The following CR1 variants were observed in gnomAD, a reference collection of about 807,000 sequenced individuals.
The protein encoded by CR1 is complement C3b/C4b receptor 1 (Knops blood group), also known as complement receptor type 1.
Under a neutral mutation model 187.3 loss-of-function variants are expected in CR1, and 116 were observed. The observed-to-expected ratio is 0.62, with a 90% CI of 0.53 to 0.72. The LOEUF (loss-of-function observed/expected upper bound fraction) is 0.72. CR1 is among the 30% of genes least tolerant of loss of function. The pLI is 0.00. For synonymous variants in CR1, 576 were observed against 747.1 expected (o/e 0.77, Z 3.73); for missense variants, 1,731 against 2,110.7 (o/e 0.82, Z 3.52).
chr1:207,597,609 G>T (rs745783431), intron 35 of CR1, among the ~76,000 whole-genome samples: 10 of 152,180 alleles, frequency 6.6e-5, no homozygotes, highest in Non-Finnish European at 4.4e-5. Context: ...AGGTGTTGGC[G>T]AGGATGTGGA....
intron 3 of CR1, among the ~76,000 whole-genome samples, chr1:207,511,081 CA>C (rs1278667046): frequency 6.6e-6 from 1 of 152,086 alleles, no homozygotes. Context: ...CTCAGCCCCC[CA>C]AAGTGCTGGA....
At chr1:207,507,204 T>A in intron 3 of CR1, 1 of 166,668 alleles carries the variant, frequency 6.0e-6, no homozygotes, top group Non-Finnish European at 1.3e-5. Context: ...TTGCTAGGGC[T>A]GCTGTAACAG....
intron 32 of CR1, among the ~76,000 whole-genome samples, chr1:207,583,587 G>A (rs991594509): frequency 6.6e-6 from 1 of 152,046 alleles, no homozygotes; most frequent in Admixed American, 6.5e-5. Context: ...ATCAATCAGG[G>A]TATTGCTTCC....
intron 39 of CR1, among the ~76,000 whole-genome samples, chr1:207,613,312 C>G (rs1207896795): frequency 2.0e-5 from 3 of 152,088 alleles, no homozygotes; most frequent in African/African-American, 4.8e-5. Flanking sequence ...GAATGGGGAG[C>G]CTGTGCTGAT....
intron 45 of CR1, among the ~76,000 whole-genome samples, chr1:207,626,407 C>A (rs2102409563): frequency 6.6e-6 from 1 of 152,270 alleles, no homozygotes; most frequent in East Asian, 1.9e-4. Context: ...TAAGCTAAGT[C>A]ATTGTGGCTA....
rs1391794093 is a variant in CR1 at position 207,499,625 on chromosome 1, A to C, written c.121+3237A>C. ...ATTCATGGGGATAGACCACATTCTG[A>C]GCCATAAAATAGTACACGAATTAAG... On this transcript the variant is annotated intron_variant, in intron 1 of 46. Coordinates refer to ENST00000367049, the MANE Select transcript of CR1 (RefSeq NM_000651.6). 3.3e-5 allele frequency among the ~76,000 whole-genome samples: 5 copies of C among 152,194 alleles called. No homozygotes were observed. In the East Asian group the frequency reaches 9.6e-4, roughly 29 times the overall value.
At chr1:207,637,909 C>T (rs113638686) in intron 46 of CR1, among the ~76,000 whole-genome samples, 1 of 152,184 alleles carries the variant, frequency 6.6e-6, no homozygotes, top group Admixed American at 6.5e-5. Flanking sequence ...ACCTCTCCCC[C>T]ACGTCACCAC....
Position 207,511,586 on chromosome 1 carries a change from C to T in CR1, c.419C>T (p.Ser140Phe), listed in dbSNP as rs760660307. The change falls in exon 4 of 47, where the codon TCC becomes TTC. Residue 140 changes from serine (S) to phenylalanine (F), a missense_variant. Physicochemically the swap from Ser to Phe is radical, Grantham distance 155. Coordinates refer to ENST00000367049, the MANE Select transcript of CR1 (RefSeq NM_000651.6). ...GCCTCTAGATACCGACTCATTGGTT[C>T]CTCGTCTGCCACATGCATCATCTCA... ...SCTKGYRLIG[S>F]SSATCIISGD... The T allele has an allele frequency of 6.2e-7, 1 of 1,613,310 alleles. No individual in the cohort carries two copies. Among genetic ancestry groups the T allele is most frequent in the South Asian group, 1.1e-5 (1 of 91,062 alleles).
chr1:207,588,992 A>G (rs1661191869), intron 35 of CR1, among the ~76,000 whole-genome samples: 1 of 152,262 alleles, frequency 6.6e-6, no homozygotes, highest in Admixed American at 6.5e-5. Context: ...AGAGGAGGGC[A>G]ACATGTTCCT....
chr1:207,504,777 G>A lies in CR1; in HGVS notation c.122-1127G>A, dbSNP rs569450579. On this transcript the variant is annotated intron_variant, in intron 1 of 46. Coordinates refer to ENST00000367049, the MANE Select transcript of CR1 (RefSeq NM_000651.6). ...GGATGGATGCTGATTTTTTAAAAAG[G>A]AGCCCATTTCTGAGGCATCTTTTAA... 1.1e-4 allele frequency among the ~76,000 whole-genome samples: 16 copies of A among 152,178 alleles called. No individual in the cohort carries two copies. The South Asian group carries it at 3.3e-3, about 32-fold the overall frequency.
chr1:207,501,158 C>T (rs114467562), intron 1 of CR1, among the ~76,000 whole-genome samples: 2,888 of 152,146 alleles, frequency 0.019, 45 homozygotes, highest in Non-Finnish European at 0.026. Flanking sequence ...CGAAGTGATT[C>T]GGGTTATATG....
At chr1:207,599,359 A>T (rs1177266425) in intron 35 of CR1, among the ~76,000 whole-genome samples, 1 of 152,230 alleles carries the variant, frequency 6.6e-6, no homozygotes. Flanking sequence ...AGTAGAGGTA[A>T]ATAGGAATTT....
intron 45 of CR1, 147 bp downstream of exon 45, chr1:207,623,215 C>A (rs1008386279): frequency 2.0e-5 from 12 of 596,168 alleles, no homozygotes; most frequent in Non-Finnish European, 2.6e-5. Flanking sequence ...ACAGTATAGA[C>A]AAAGAGGTAT....
chr1:207,621,330 A>C (rs2102403471), intron 43 of CR1, among the ~76,000 whole-genome samples: 1 of 152,314 alleles, frequency 6.6e-6, no homozygotes, highest in East Asian at 1.9e-4. Context: ...ACCCAATACA[A>C]AGCAAGGATG....
intron 1 of CR1, among the ~76,000 whole-genome samples, chr1:207,500,105 T>C (rs1558209344): frequency 6.6e-6 from 1 of 152,228 alleles, no homozygotes; most frequent in Non-Finnish European, 1.5e-5. Flanking sequence ...TCATGAAGAC[T>C]GTCGAAATAA....
Position 207,580,367 on chromosome 1 carries a change from G to T in CR1, c.5064G>T (p.Leu1688=). 6.2e-7 allele frequency: 1 copy of T among 1,613,968 alleles called. No individual in the cohort carries two copies. Among genetic ancestry groups the T allele is most frequent in the Non-Finnish European group, 8.5e-7 (1 of 1,179,874 alleles). ...PGYDLRGAAS[L]HCTPQGDWSP... is the part of the protein sequence containing the mutation. ...ATGACCTCAGAGGGGCTGCGTCTCT[G>T]CACTGCACACCCCAGGGAGACTGGA... is the stretch of plus-strand genomic sequence containing the variant. The change falls in exon 30 of 47, where the codon CTG becomes CTT. Residue 1688 remains leucine (L), a synonymous_variant. Coordinates refer to ENST00000367049, the MANE Select transcript of CR1 (RefSeq NM_000651.6).
chr1:207,567,092 C>T (rs1448868397), intron 24 of CR1, among the ~76,000 whole-genome samples: 1 of 150,082 alleles, frequency 6.7e-6, no homozygotes, highest in Non-Finnish European at 1.5e-5. Flanking sequence ...CTTCCAAATG[C>T]CAGTTCTAAT....
chr1:207,608,946 A>G (rs1478757144), intron 36 of CR1, among the ~76,000 whole-genome samples: 2 of 152,160 alleles, frequency 1.3e-5, no homozygotes, highest in Non-Finnish European at 2.9e-5. Flanking sequence ...TTTAAACTGC[A>G]AAGAGGTTAT....
chr1:207,630,945 A>T (rs910996937), intron 46 of CR1, among the ~76,000 whole-genome samples: 4 of 151,994 alleles, frequency 2.6e-5, no homozygotes, highest in African/African-American at 9.7e-5. Context: ...GCCTGCTTGT[A>T]CCTCCAAGTC....
Sources: allele counts gnomAD v4.1 joint callset (sites outside exome capture counted in the v4.1 genomes callset), GRCh38; gene constraint gnomAD v4.1.1; transcripts MANE v1.5; gene names NCBI Gene and HGNC (gene_info 2026-07-23, HGNC 2026-07-21).